The following CCDC178 variants were observed in gnomAD, a reference collection of about 807,000 sequenced individuals.
The protein encoded by CCDC178 is coiled-coil domain containing 178.
CCDC178 carries 126 observed loss-of-function variants against 117.4 expected under a neutral mutation model. That is an observed-to-expected ratio of 1.07 (90% confidence interval 0.93 to 1.24). The LOEUF is 1.24. Among genes scored for constraint, CCDC178 ranks in the 50% most tolerant of loss-of-function variants. CCDC178 has a pLI of 0.00. For synonymous variants in CCDC178, 283 were observed against 313.4 expected (o/e 0.90, Z 1.02); for missense variants, 1,030 against 986.9 (o/e 1.04, Z -0.59).
At position 33,245,379 on chromosome 18, in the gene CCDC178, T is replaced by A; in HGVS notation, c.1459A>T (p.Met487Leu). 6 of 1,592,268 alleles carry A rather than the reference T, an allele frequency of 3.8e-6. No individual in the cohort carries two copies. The highest frequency in any genetic ancestry group is 2.3e-5 in the South Asian group (2 of 85,496). Residue 487 changes from methionine to leucine, a missense_variant, in exon 15 of 23, where the codon ATG becomes TTG. Physicochemically the swap from Met to Leu is conservative, Grantham distance 15. Coordinates refer to ENST00000383096, the MANE Select transcript of CCDC178 (RefSeq NM_001105528.4). ...YESEIKYLTI[M>L]KLKNDKHLKN... ...AGATGTTTATCATTCTTTAACTTCA[T>A]TATTGTCAAATATTTTATTTCAGAT... is the stretch of plus-strand genomic sequence containing the variant.
At chr18:32,945,202 T>G (rs1052508064) in intron 22 of CCDC178, among the ~76,000 whole-genome samples, 1 of 152,202 alleles carries the variant, frequency 6.6e-6, no homozygotes, top group Non-Finnish European at 1.5e-5. Flanking sequence ...GTTAGCAATA[T>G]AAGGATACTT....
chr18:33,246,789 G>A (rs1386687487), intron 14 of CCDC178, among the ~76,000 whole-genome samples: 1 of 151,772 alleles, frequency 6.6e-6, no homozygotes, highest in Non-Finnish European at 1.5e-5. Context: ...AAGACACATA[G>A]AGAGCAAGGA....
intron 20 of CCDC178, among the ~76,000 whole-genome samples, chr18:33,180,821 G>A (rs369744540): frequency 4.6e-5 from 7 of 152,044 alleles, no homozygotes; most frequent in East Asian, 1.9e-4. Flanking sequence ...TGCTTAAATT[G>A]TGAAAGTATG....
intron 20 of CCDC178, among the ~76,000 whole-genome samples, chr18:33,200,093 CT>C (rs1196237077): frequency 6.6e-6 from 1 of 152,176 alleles, no homozygotes. Context: ...CATAATTTCA[CT>C]TCTAAATTCT....
At chr18:33,192,981 T>G (rs971566295) in intron 20 of CCDC178, among the ~76,000 whole-genome samples, 32 of 148,062 alleles carry the variant, frequency 2.2e-4, no homozygotes, top group Non-Finnish European at 7.5e-5. Context: ...AAATCTAGGC[T>G]GGGCGCGGTG....
intron 4 of CCDC178, among the ~76,000 whole-genome samples, chr18:33,394,941 G>GTGTATGTA (rs202187331): frequency 1.2e-4 from 8 of 68,772 alleles, no homozygotes; most frequent in Admixed American, 2.0e-4. Flanking sequence ...GTATATGTAT[G>GTGTATGTA]TGTATATATA....
At chr18:33,012,452 T>A (rs1194675197) in intron 21 of CCDC178, among the ~76,000 whole-genome samples, 2 of 152,156 alleles carry the variant, frequency 1.3e-5, no homozygotes, top group Non-Finnish European at 2.9e-5. Context: ...GTATATGATT[T>A]TTGCCAGCTA....
intron 2 of CCDC178, among the ~76,000 whole-genome samples, chr18:33,423,582 A>G (rs1432171523): frequency 6.6e-6 from 1 of 152,174 alleles, no homozygotes; most frequent in Admixed American, 6.5e-5. Context: ...TTCTTTGTGT[A>G]TAGCACTAGA....
chr18:33,399,197 T>TAA lies in CCDC178; in HGVS notation c.59-1991_59-1990dup, dbSNP rs58594519. Among the ~76,000 whole-genome samples, 1,263 of 134,998 alleles carry TAA rather than the reference T, an allele frequency of 9.4e-3. 17 individuals carry two copies. Among genetic ancestry groups the TAA allele is most frequent in the African/African-American group, 0.032 (1,189 of 37,228 alleles). 88.6% of individuals were successfully genotyped at this position (134,998 alleles called of 152,430 possible). ...CCTGGGCAACAGAGCAAGACTGTCT[T>TAA]AAAAAAAAAAAAAAAAAGTTAATGG... On this transcript the variant is annotated intron_variant, in intron 3 of 22. Coordinates refer to ENST00000383096, the MANE Select transcript of CCDC178 (RefSeq NM_001105528.4).
chr18:32,975,713 T>G (rs1159820273), intron 21 of CCDC178, among the ~76,000 whole-genome samples: 1 of 152,082 alleles, frequency 6.6e-6, no homozygotes, highest in Non-Finnish European at 1.5e-5. Context: ...ATCAGCTCAT[T>G]TTTAGCATAT....
rs1249286557 is a variant in CCDC178 at position 33,348,903 on chromosome 18, T to C, written c.444A>G (p.Pro148=). The C allele has an allele frequency of 6.2e-7, 1 of 1,609,262 alleles. No individual in the cohort carries two copies. The highest frequency in any genetic ancestry group is 1.3e-5 in the African/African-American group (1 of 74,796). ...GAACAACTTTACCTCTCTTTTCTCC[T>C]GGTTTGACCTCTTTCACTGGTGTAG... ...SVTTPVKEVK[P]GEKRDEKCPE... Residue 148 remains proline (P), a synonymous_variant, in exon 8 of 23, where the codon CCA becomes CCG. Coordinates refer to ENST00000383096, the MANE Select transcript of CCDC178 (RefSeq NM_001105528.4).
At chr18:33,329,616 T>C (rs1231685579) in intron 10 of CCDC178, among the ~76,000 whole-genome samples, 1 of 152,188 alleles carries the variant, frequency 6.6e-6, no homozygotes, top group Non-Finnish European at 1.5e-5. Context: ...ATATATTGTA[T>C]CACATATGTA....
At chr18:33,029,903 A>C (rs1415564739) in intron 21 of CCDC178, among the ~76,000 whole-genome samples, 1 of 151,968 alleles carries the variant, frequency 6.6e-6, no homozygotes, top group African/African-American at 2.4e-5. Flanking sequence ...TTAAGGTTAC[A>C]CTGGAGAATA....
chr18:33,287,514 C>T (rs1367667447), intron 12 of CCDC178, among the ~76,000 whole-genome samples: 1 of 152,118 alleles, frequency 6.6e-6, no homozygotes, highest in African/African-American at 2.4e-5. Flanking sequence ...TGTGGTGGCT[C>T]ACACCTGTAA....
At chr18:33,325,348 G>A (rs2062570171) in intron 10 of CCDC178, among the ~76,000 whole-genome samples, 1 of 151,624 alleles carries the variant, frequency 6.6e-6, no homozygotes, top group African/African-American at 2.4e-5. Flanking sequence ...TAAACCATTG[G>A]CACAGTGCTA....
At chr18:33,421,611 A>C (rs865837560) in intron 2 of CCDC178, among the ~76,000 whole-genome samples, 18 of 152,338 alleles carry the variant, frequency 1.2e-4, no homozygotes, top group Middle Eastern at 3.4e-3. Flanking sequence ...CACCACGACC[A>C]GAGAAAGATG....
chr18:33,005,153 A>G (rs1047313950), intron 21 of CCDC178, among the ~76,000 whole-genome samples: 4 of 152,136 alleles, frequency 2.6e-5, no homozygotes, highest in African/African-American at 7.2e-5. Flanking sequence ...TATTGAAGAG[A>G]TATCTGCACT....
intron 20 of CCDC178, among the ~76,000 whole-genome samples, chr18:33,196,940 C>A (rs2058937822): frequency 6.6e-6 from 1 of 152,140 alleles, no homozygotes; most frequent in Non-Finnish European, 1.5e-5. Flanking sequence ...TGCATTCTGT[C>A]TACCTTTTAA....
intron 8 of CCDC178, among the ~76,000 whole-genome samples, chr18:33,347,938 A>G (rs2062919357): frequency 6.6e-6 from 1 of 151,984 alleles, no homozygotes; most frequent in Admixed American, 6.6e-5. Context: ...TTTTAGCATA[A>G]GGCCTTGATT....
Sources: allele counts gnomAD v4.1 joint callset (sites outside exome capture counted in the v4.1 genomes callset), GRCh38; gene constraint gnomAD v4.1.1; transcripts MANE v1.5; gene names NCBI Gene and HGNC (gene_info 2026-07-23, HGNC 2026-07-21).